Variants in RARB observed in about 807,000 individuals in gnomAD.
RARB encodes HBV-activated protein.
A neutral mutation model predicts 51.9 loss-of-function variants in RARB; 17 were observed. The ratio of observed to expected loss-of-function variants is 0.33; its 90% CI spans 0.22 to 0.49. The LOEUF (loss-of-function observed/expected upper bound fraction) is 0.49. Ranked by LOEUF, RARB falls within the 20% of genes least tolerant of loss-of-function variation. RARB has a pLI of 0.99. For synonymous variants in RARB, 215 were observed against 195.4 expected, an observed-to-expected ratio of 1.10 and a Z score of -0.84; for missense variants, 369 against 550.8, an observed-to-expected ratio of 0.67 and a Z score of 3.30.
chr3:25,286,781 G>T (rs1703667872), intron 5 of RARB, among the ~76,000 whole-genome samples: 1 of 152,112 alleles, frequency 6.6e-6, no homozygotes, highest in African/African-American at 2.4e-5. Flanking sequence ...TTGCGAGGTT[G>T]GTATTTTTAT....
chr3:24,922,407 A>AT (rs1252305603), intron 2 of RARB, among the ~76,000 whole-genome samples: 2 of 152,142 alleles, frequency 1.3e-5, no homozygotes, highest in Non-Finnish European at 2.9e-5. Flanking sequence ...AAGCACTTAG[A>AT]TTTTTCCAGG....
intron 4 of RARB, among the ~76,000 whole-genome samples, chr3:25,143,145 G>C (rs181983360): frequency 2.6e-4 from 40 of 152,154 alleles, no homozygotes; most frequent in Admixed American, 7.2e-4. Flanking sequence ...TTGCCATTCA[G>C]GAGCCTGTAC....
At chr3:25,206,245 A>G (rs1308967617) in intron 5 of RARB, among the ~76,000 whole-genome samples, 1 of 152,192 alleles carries the variant, frequency 6.6e-6, no homozygotes, top group Non-Finnish European at 1.5e-5. Context: ...GCAGTTTAAA[A>G]CAGCTTTTAA....
intron 2 of RARB, among the ~76,000 whole-genome samples, chr3:25,488,442 CT>C: frequency 6.6e-6 from 1 of 152,300 alleles, no homozygotes; most frequent in East Asian, 1.9e-4. Flanking sequence ...TAAGTTATCT[CT>C]TTTGTCCTTC....
chr3:25,016,250 C>G (rs1697505546), intron 2 of RARB, among the ~76,000 whole-genome samples: 2 of 152,136 alleles, frequency 1.3e-5, no homozygotes, highest in South Asian at 4.1e-4. Context: ...GATTAAGATA[C>G]TATACTAACT....
chr3:25,043,541 T>G (rs1442787889), intron 2 of RARB, among the ~76,000 whole-genome samples: 1 of 152,248 alleles, frequency 6.6e-6, no homozygotes, highest in Admixed American at 6.5e-5. Flanking sequence ...ACTGATGTAT[T>G]AATAGATTCA....
At chr3:25,325,103 AG>A (rs1336204866) in intron 5 of RARB, among the ~76,000 whole-genome samples, 1 of 152,160 alleles carries the variant, frequency 6.6e-6, no homozygotes, top group African/African-American at 2.4e-5. Flanking sequence ...ATGCTAAACA[AG>A]GGGCGGCTTA....
intron 3 of RARB, among the ~76,000 whole-genome samples, chr3:25,082,337 T>A (rs1699023817): frequency 1.3e-5 from 2 of 152,116 alleles, no homozygotes; most frequent in South Asian, 2.1e-4. Flanking sequence ...CTATTCTTCC[T>A]TTTCTTTTGC....
At chr3:25,204,614 C>T (rs1366345620) in intron 5 of RARB, among the ~76,000 whole-genome samples, 5 of 152,094 alleles carry the variant, frequency 3.3e-5, no homozygotes, top group Admixed American at 6.6e-5. Context: ...GTGTGGATGT[C>T]CTTTCTGTTT....
rs574928453 is a variant in RARB, at chr3:25,533,428, A to G, written c.448+32105A>G. Among the ~76,000 whole-genome samples the G allele has an allele frequency of 8.5e-5, 13 of 152,326 alleles. No individual in the cohort carries two copies. The South Asian group carries it at 2.7e-3, about 32-fold the overall frequency. On this transcript the variant is annotated intron_variant, in intron 3 of 7. Transcript: ENST00000330688. ...TTAATGTGTCATTAGTTGCCTGGATAGTGGTGTATTATTTCACAAAAGGAT... is the reference window on the plus strand; with the variant it reads ...TTAATGTGTCATTAGTTGCCTGGATGGTGGTGTATTATTTCACAAAAGGAT...
At chr3:24,952,711 G>A (rs935375730) in intron 2 of RARB, among the ~76,000 whole-genome samples, 7 of 152,056 alleles carry the variant, frequency 4.6e-5, no homozygotes, top group Admixed American at 1.3e-4. Flanking sequence ...CAAAGCTCTC[G>A]CTCCCCCATT....
At chr3:24,972,424 T>G (rs906931932) in intron 2 of RARB, among the ~76,000 whole-genome samples, 4 of 152,080 alleles carry the variant, frequency 2.6e-5, no homozygotes, top group Admixed American at 2.6e-4. Flanking sequence ...ACATTTTAGC[T>G]CTTGTGAATC....
At chr3:25,319,552 A>G (rs972443035) in intron 5 of RARB, among the ~76,000 whole-genome samples, 14 of 152,176 alleles carry the variant, frequency 9.2e-5, no homozygotes, top group Admixed American at 9.2e-4. Context: ...AAAATTAAAG[A>G]GCTGTCAGGT....
At chr3:24,991,214 G>C (rs1157373471) in intron 2 of RARB, among the ~76,000 whole-genome samples, 1 of 152,278 alleles carries the variant, frequency 6.6e-6, no homozygotes, top group South Asian at 2.1e-4. Context: ...GCTGAGGTGG[G>C]CAGATCACCT....
At chr3:25,528,215 T>G (rs1032151989) in intron 3 of RARB, among the ~76,000 whole-genome samples, 1 of 152,158 alleles carries the variant, frequency 6.6e-6, no homozygotes, top group African/African-American at 2.4e-5. Context: ...TCAAACTGTT[T>G]TGAAATGGTC....
intron 3 of RARB, among the ~76,000 whole-genome samples, chr3:25,109,588 T>C (rs1699565588): frequency 6.6e-6 from 1 of 152,228 alleles, no homozygotes; most frequent in African/African-American, 2.4e-5. Flanking sequence ...TGTACCTTTC[T>C]ACTCTCTGTT....
intron 5 of RARB, among the ~76,000 whole-genome samples, chr3:25,583,651 G>A (rs1019808904): frequency 6.6e-6 from 1 of 152,220 alleles, no homozygotes; most frequent in Non-Finnish European, 1.5e-5. Flanking sequence ...GGCCTCACCT[G>A]TCCTGCCCTT....
At chr3:25,190,862 G>A (rs919858717) in intron 5 of RARB, among the ~76,000 whole-genome samples, 1 of 152,026 alleles carries the variant, frequency 6.6e-6, no homozygotes, top group Non-Finnish European at 1.5e-5. Context: ...TTTTTATGAT[G>A]TTGCCAGATG....
chr3:25,418,136 C>T (rs1410004028), intron 5 of RARB, among the ~76,000 whole-genome samples: 3 of 152,148 alleles, frequency 2.0e-5, no homozygotes, highest in Non-Finnish European at 2.9e-5. Context: ...CCACACCTAG[C>T]TGCGAAGGAG....
Sources: gnomAD v4.1 joint callset for allele counts (sites outside exome capture counted in the v4.1 genomes callset) on GRCh38, gnomAD v4.1.1 for gene constraint, MANE v1.5 for transcripts, NCBI Gene and HGNC (gene_info 2026-07-23, HGNC 2026-07-21) for gene names.